HEPH: variants seen among roughly 807,000 people sequenced by gnomAD.
HEPH encodes the protein hephaestin.
HEPH carries 69 observed loss-of-function variants against 80.8 expected under a neutral mutation model. The observed-to-expected ratio is 0.85, with a 90% CI of 0.70 to 1.04. The LOEUF is 1.04. Among genes scored for constraint, HEPH ranks in the 50% least tolerant of loss-of-function variants. The pLI is 0.00. For synonymous variants in HEPH, 431 were observed against 322.8 expected (o/e 1.34, Z -3.60); for missense variants, 1,115 against 891.3 (o/e 1.25, Z -3.20).
Position 66,202,956 on chromosome X carries a change from C to T in HEPH, c.2078-408C>T, listed in dbSNP as rs1281427305. ...ATATATATACACACACACACACACA[C>T]ATAATATATTTTTATATATGTATAT... On this transcript the variant is annotated intron_variant, in intron 12 of 20. Coordinates refer to ENST00000343002, the MANE Select transcript of HEPH (RefSeq NM_001367233.3). Among the ~76,000 whole-genome samples the T allele has an allele frequency of 6.9e-5, 7 of 101,185 alleles. No individual in the cohort carries two copies. In the South Asian group the frequency reaches 1.3e-3, roughly 19 times the overall value. 87.9% of individuals were successfully genotyped at this position (101,185 alleles called of 115,157 possible).
chrX:66,209,999 G>T (rs1017038703), intron 15 of HEPH, among the ~76,000 whole-genome samples: 1 of 111,639 alleles, frequency 9.0e-6, no homozygotes, highest in Admixed American at 9.5e-5. Context: ...CTAGATAGTG[G>T]TTAAAAGCAT....
chrX:66,218,377 C>T (rs764852309), intron 15 of HEPH, among the ~76,000 whole-genome samples: 48 of 111,900 alleles, frequency 4.3e-4, no homozygotes, highest in African/African-American at 1.4e-3. Context: ...AATGGGAATT[C>T]AACTCCAAAA....
intron 15 of HEPH, among the ~76,000 whole-genome samples, chrX:66,250,214 A>G (rs2090955575): frequency 9.0e-6 from 1 of 111,449 alleles, no homozygotes; most frequent in South Asian, 3.8e-4. Context: ...ACTCTTTCCA[A>G]CACTCAACAT....
In HEPH at chrX:66,200,730, C is replaced by G; in HGVS notation, c.2055C>G (p.Ala685=). The G allele has an allele frequency of 8.3e-7, 1 of 1,210,130 alleles. No individual in the cohort carries two copies. Residue 685 remains alanine (A), a synonymous_variant, in exon 12 of 21, where the codon GCC becomes GCG. Coordinates refer to ENST00000343002, the MANE Select transcript of HEPH (RefSeq NM_001367233.3). Reference sequence around the variant, plus strand: ...TCTTTCCTCATACCTTTGTCATGGCCATCATGCAGCCTGACAACCTTGGTA... The same window carrying G: ...TCTTTCCTCATACCTTTGTCATGGCGATCATGCAGCCTGACAACCTTGGTA... The part of the protein sequence containing the change: ...AMLFPHTFVM[A]IMQPDNLGTF...
In HEPH at chrX:66,197,720, G is replaced by C. The variant is rs373646302; in HGVS notation, c.1539G>C (p.Glu513Asp). 3 of 1,210,119 alleles carry C rather than the reference G, an allele frequency of 2.5e-6. No homozygotes were observed. The African/African-American group carries it at 5.2e-5, about 21-fold the overall frequency. The change falls in exon 10 of 21, where the codon GAG becomes GAC. Residue 513 changes from glutamate (E) to aspartate (D), a missense_variant. Transcript: ENST00000343002. Reference sequence around the variant, plus strand: ...CTGGCTTGGTTGCCAAGCCCTTTGAGAAAGTAACATACCGCTGGACAGTCC... The same window carrying C: ...CTGGCTTGGTTGCCAAGCCCTTTGACAAAGTAACATACCGCTGGACAGTCC... The part of the protein sequence containing the change: ...SYPGLVAKPF[E>D]KVTYRWTVPP...
rs778779093 is a variant in HEPH, at chrX:66,208,511, C to T, written c.2563+265C>T. On this transcript the variant is annotated intron_variant, in intron 15 of 20. Transcript: ENST00000343002. ...GTGTGCACCTGTAGTCTCAGCTACT[C>T]GGGAGGTTTAGGCAGGAGAATCTCT... 1.3e-4 allele frequency among the ~76,000 whole-genome samples: 14 copies of T among 104,178 alleles called. No homozygotes were observed. The East Asian group carries it at 3.0e-3, about 23-fold the overall frequency. The allele number at this position is 104,178 out of a possible 115,157, so 90.5% of individuals were successfully genotyped here.
intron 15 of HEPH, among the ~76,000 whole-genome samples, chrX:66,221,685 C>A (rs146660094): frequency 1.8e-5 from 2 of 112,570 alleles, no homozygotes; most frequent in Non-Finnish European, 3.8e-5. Context: ...AGGGTTTTGT[C>A]GGGTCAAATA....
At chrX:66,189,583 A>C in intron 5 of HEPH, 101 bp from the exon 6 acceptor site, 1 of 911,558 alleles carries the variant, frequency 1.1e-6, no homozygotes, top group East Asian at 3.1e-5. Context: ...TGCTGTTTAT[A>C]ACCTCATTTA....
chrX:66,217,703 G>A (rs2089455648), intron 15 of HEPH, among the ~76,000 whole-genome samples: 1 of 111,719 alleles, frequency 9.0e-6, no homozygotes, highest in African/African-American at 3.3e-5. Context: ...AACATTTAAT[G>A]TAAATGGCCT....
intron 15 of HEPH, among the ~76,000 whole-genome samples, chrX:66,231,884 T>C (rs2090160503): frequency 9.1e-6 from 1 of 109,778 alleles, no homozygotes; most frequent in African/African-American, 3.4e-5. Flanking sequence ...TTCCAGTTTT[T>C]TCCCATTCAG....
At chrX:66,178,275 C>A (rs1367651221) in intron 4 of HEPH, among the ~76,000 whole-genome samples, 6 of 112,314 alleles carry the variant, frequency 5.3e-5, no homozygotes, top group Non-Finnish European at 1.1e-4. Context: ...GACATGAACT[C>A]ATCCTTTTTT....
chrX:66,252,525 C>T (rs1184994405), intron 15 of HEPH, among the ~76,000 whole-genome samples: 1 of 111,333 alleles, frequency 9.0e-6, no homozygotes, highest in Non-Finnish European at 1.9e-5. Flanking sequence ...TTAGAGAGTG[C>T]TTAGCTGATG....
At chrX:66,250,406 G>A (rs2090960816) in intron 15 of HEPH, among the ~76,000 whole-genome samples, 1 of 111,376 alleles carries the variant, frequency 9.0e-6, no homozygotes, top group Admixed American at 9.6e-5. Flanking sequence ...AAGTCTTACA[G>A]TATAATTGAC....
Position 66,267,028 on chromosome X carries a change from T to C in HEPH, c.*356T>C, listed in dbSNP as rs1418264415. ...AGAGACCAAGAGAAAAACTCATTGA[T>C]TGGGTTTCTACTTCTTTCAAGGACT... On this transcript the variant is annotated 3_prime_UTR_variant, in exon 21 of 21. Coordinates refer to ENST00000343002, the MANE Select transcript of HEPH (RefSeq NM_001367233.3). 4 of 160,205 alleles carry C rather than the reference T, an allele frequency of 2.5e-5. No homozygotes were observed. The highest frequency in any genetic ancestry group is 4.7e-5 in the Non-Finnish European group (4 of 84,274). 13.2% of individuals were successfully genotyped at this position (160,205 alleles called of 1,213,427 possible).
rs139225061 is a variant in HEPH, at chrX:66,266,633, C to T, written c.3438C>T (p.Ile1146=). 58 of 1,205,354 alleles carry T rather than the reference C, an allele frequency of 4.8e-5. No individual in the cohort carries two copies. The African/African-American group carries it at 9.4e-4, about 19-fold the overall frequency. The change falls in exon 21 of 21, where the codon ATC becomes ATT. Residue 1146 remains isoleucine, a synonymous_variant. Coordinates refer to ENST00000343002, the MANE Select transcript of HEPH (RefSeq NM_001367233.3). ...AGCTACGACGCAATAGGAGGTCCAT[C>T]CTGGATGACAGCTTCAAGCTTCTGT... ...QRKLRRNRRS[I]LDDSFKLLSF...
At chrX:66,200,483 A>G in intron 11 of HEPH, 57 bp from the exon 12 acceptor site, 1 of 957,234 alleles carries the variant, frequency 1.0e-6, no homozygotes, top group Non-Finnish European at 1.4e-6. Context: ...GCTCCTGGCC[A>G]GTGCTGGAGT....
intron 6 of HEPH, among the ~76,000 whole-genome samples, chrX:66,191,785 C>T: frequency 8.9e-6 from 1 of 111,785 alleles, no homozygotes; most frequent in Non-Finnish European, 1.9e-5. Context: ...AGTGACTTGC[C>T]TAAGGTCCTA....
At chrX:66,232,572 G>T (rs987092842) in intron 15 of HEPH, among the ~76,000 whole-genome samples, 1 of 110,891 alleles carries the variant, frequency 9.0e-6, no homozygotes, top group Non-Finnish European at 1.9e-5. Flanking sequence ...TATAAGGTTG[G>T]TTAATATGTG....
chrX:66,217,883 GC>G (rs1411816676), intron 15 of HEPH, among the ~76,000 whole-genome samples: 4 of 111,669 alleles, frequency 3.6e-5, no homozygotes, highest in African/African-American at 1.3e-4. Context: ...AGCAGGAGTA[GC>G]TATTCTTATA....
Sources: gnomAD v4.1 joint callset for allele counts (sites outside exome capture counted in the v4.1 genomes callset) on GRCh38, gnomAD v4.1.1 for gene constraint, MANE v1.5 for transcripts, NCBI Gene and HGNC (gene_info 2026-07-23, HGNC 2026-07-21) for gene names.